The following HK2 variants were observed in gnomAD, a reference collection of about 807,000 sequenced individuals.
HK2 encodes the protein hexokinase 2, also known as hexokinase-2.
A neutral mutation model predicts 92.9 loss-of-function variants in HK2; 42 were observed. That is an observed-to-expected ratio of 0.45 (90% confidence interval 0.35 to 0.58). The LOEUF is 0.58. HK2 is among the 20% of genes least tolerant of loss of function. The pLI is 0.00. For synonymous variants in HK2, 422 were observed against 468.0 expected, an observed-to-expected ratio of 0.90 and a Z score of 1.27; for missense variants, 978 against 1,245.1, an observed-to-expected ratio of 0.79 and a Z score of 3.23.
Position 74,888,046 on chromosome 2 carries a change from C to T in HK2, c.2363C>T (p.Ser788Phe). Reference protein sequence around the residue: ...TRGIFETKFLSQIESDCLALL... With the variant: ...TRGIFETKFLFQIESDCLALL... The stretch of plus-strand genomic sequence containing the variant: ...GGCATCTTTGAAACCAAGTTCTTGT[C>T]TCAGATTGAGAGGTGAGAGCTTAGG... Residue 788 changes from serine to phenylalanine, a missense_variant, in exon 16 of 18, where the codon TCT becomes TTT. By Grantham distance (155) the Ser-to-Phe change is radical. This residue lies in a region of HK2 where 742 missense variants were observed against 922.5 expected (regional missense o/e 0.80). Transcript: ENST00000290573. 6.2e-7 allele frequency: 1 copy of T among 1,614,184 alleles called. No homozygotes were observed. The highest frequency in any genetic ancestry group is 1.3e-5 in the African/African-American group (1 of 75,050).
chr2:74,884,954 G>A (rs1689485936), intron 12 of HK2, among the ~76,000 whole-genome samples: 1 of 151,364 alleles, frequency 6.6e-6, no homozygotes, highest in African/African-American at 2.4e-5. Context: ...CCCAGCTGTG[G>A]GCAAAGCACT....
intron 2 of HK2, among the ~76,000 whole-genome samples, chr2:74,861,885 T>C (rs1164873390): frequency 6.6e-6 from 1 of 152,238 alleles, no homozygotes; most frequent in Non-Finnish European, 1.5e-5. Flanking sequence ...GTTATAACTA[T>C]GCCTTATGAG....
chr2:74,869,084 C>G (rs1689032072), intron 3 of HK2, among the ~76,000 whole-genome samples: 2 of 151,686 alleles, frequency 1.3e-5, no homozygotes, highest in South Asian at 4.2e-4. Context: ...AACCTACTCT[C>G]CATGCAATAT....
At chr2:74,858,212 T>C (rs1688737394) in intron 2 of HK2, among the ~76,000 whole-genome samples, 1 of 152,256 alleles carries the variant, frequency 6.6e-6, no homozygotes, top group African/African-American at 2.4e-5. Context: ...GTTTGTCTTC[T>C]ATTCTTTAAG....
intron 1 of HK2, among the ~76,000 whole-genome samples, chr2:74,844,785 T>A (rs924591657): frequency 2.0e-5 from 3 of 152,182 alleles, no homozygotes; most frequent in Admixed American, 2.0e-4. Context: ...GGGGATCCCA[T>A]GCAGTGTGGG....
intron 1 of HK2, among the ~76,000 whole-genome samples, chr2:74,843,986 G>A (rs1157779247): frequency 6.6e-6 from 1 of 152,184 alleles, no homozygotes; most frequent in African/African-American, 2.4e-5. Context: ...TTCAAATGAA[G>A]AGACCAGGCA....
At chr2:74,864,602 G>A (rs1688904869) in intron 2 of HK2, among the ~76,000 whole-genome samples, 1 of 152,160 alleles carries the variant, frequency 6.6e-6, no homozygotes. Flanking sequence ...CACTTCCTGG[G>A]TTCTAGTGAT....
In HK2 at chr2:74,877,963, T is replaced by A. The variant is rs548033144; in HGVS notation, c.1031+642T>A. 7.2e-5 allele frequency among the ~76,000 whole-genome samples: 11 copies of A among 152,210 alleles called. No individual in the cohort carries two copies. In the South Asian group the frequency reaches 2.1e-3, roughly 29 times the overall value. On this transcript the variant is annotated intron_variant, in intron 8 of 17. Coordinates refer to ENST00000290573, the MANE Select transcript of HK2 (RefSeq NM_000189.5). Reference sequence around the variant, plus strand: ...GGGACCAGATGGTGGAGAGGAGGTGTCTTTGGAGCCAAATGGAGCAGTGGA... The same window carrying A: ...GGGACCAGATGGTGGAGAGGAGGTGACTTTGGAGCCAAATGGAGCAGTGGA...
At chr2:74,846,284 G>A (rs1688433003) in intron 1 of HK2, among the ~76,000 whole-genome samples, 1 of 151,232 alleles carries the variant, frequency 6.6e-6, no homozygotes. Context: ...ACTGTGTATA[G>A]TGGGTAAACT....
At chr2:74,838,379 G>A (rs1325211061) in intron 1 of HK2, among the ~76,000 whole-genome samples, 2 of 151,278 alleles carry the variant, frequency 1.3e-5, no homozygotes, top group African/African-American at 4.9e-5. Context: ...CACTTGGAGG[G>A]GTAGTTCGCA....
intron 5 of HK2, 27 bp downstream of exon 5, chr2:74,873,398 T>C (rs370514288): frequency 2.0e-6 from 3 of 1,530,982 alleles, no homozygotes; most frequent in Non-Finnish European, 2.7e-6. Context: ...GAGCTTGGGG[T>C]CTGTGGGCTT....
chr2:74,878,889 G>A lies in HK2; in HGVS notation c.1233G>A (p.Gly411=). 1 of 1,551,590 alleles carries A rather than the reference G, an allele frequency of 6.4e-7. No individual in the cohort carries two copies. The highest frequency in any genetic ancestry group is 8.7e-7 in the Non-Finnish European group (1 of 1,147,092). Reference sequence around the variant, plus strand: ...AGGAGCGGCTGCGCTCTACTATTGGGGTCGACGGTTCCGTCTACAAGAAAC... The same window carrying A: ...AGGAGCGGCTGCGCTCTACTATTGGAGTCGACGGTTCCGTCTACAAGAAAC... ...KGEERLRSTI[G]VDGSVYKKHP... is the part of the protein sequence containing the mutation. Residue 411 remains glycine (G), a synonymous_variant, in exon 9 of 18, where the codon GGG becomes GGA. Coordinates refer to ENST00000290573, the MANE Select transcript of HK2 (RefSeq NM_000189.5).
At chr2:74,857,681 TAA>T (rs1688726224) in intron 2 of HK2, among the ~76,000 whole-genome samples, 1 of 151,936 alleles carries the variant, frequency 6.6e-6, no homozygotes, top group South Asian at 2.1e-4. Context: ...TTAAAAAAAA[TAA>T]AGTGGTCAGC....
Position 74,874,443 on chromosome 2 carries a change from A to G in HK2, c.869A>G (p.Lys290Arg), listed in dbSNP as rs575008816. Residue 290 changes from lysine to arginine, a missense_variant, in exon 7 of 18, where the codon AAG becomes AGG. Lys to Arg is a conservative substitution (Grantham distance 26). Transcript: ENST00000290573. Reference protein sequence around the residue: ...EIDMGSLNPGKQLFEKMISGM... With the variant: ...EIDMGSLNPGRQLFEKMISGM... ...GACATGGGCTCACTGAACCCGGGAA[A>G]GCAACTGTGAGTAGGCCCTTCCTGT... is the stretch of plus-strand genomic sequence containing the variant. 2 of 1,602,556 alleles carry G rather than the reference A, an allele frequency of 1.2e-6. No homozygotes were observed. The highest frequency in any genetic ancestry group is 2.3e-5 in the East Asian group (1 of 44,408).
intron 1 of HK2, among the ~76,000 whole-genome samples, chr2:74,842,733 A>G (rs1168398994): frequency 1.3e-5 from 2 of 152,242 alleles, no homozygotes; most frequent in Non-Finnish European, 2.9e-5. Flanking sequence ...TAGGAGATCC[A>G]TCCTTAAGCT....
chr2:74,834,512 G>T lies in HK2; in HGVS notation c.-69G>T, dbSNP rs953972399. On this transcript the variant is annotated 5_prime_UTR_variant, in exon 1 of 18. Transcript: ENST00000290573. This position sits in a 1 kb window ranked among gnomAD's most constrained non-coding sequence, Gnocchi z 4.2. ...AGCCCCAGCACAAAGCAGTCGGACC[G>T]CGCCGCCCGCCTCCCCTCTCGCGTC... 3 of 1,518,426 alleles carry T rather than the reference G, an allele frequency of 2.0e-6. No individual in the cohort carries two copies. The highest frequency in any genetic ancestry group is 2.7e-6 in the Non-Finnish European group (3 of 1,095,070). 94.1% of individuals were successfully genotyped at this position (1,518,426 alleles called of 1,614,324 possible). A position where few individuals can be genotyped will look rare whatever the true frequency, so the allele number is the denominator to read the frequency against.
chr2:74,860,006 A>G (rs972862165), intron 2 of HK2, among the ~76,000 whole-genome samples: 2 of 152,240 alleles, frequency 1.3e-5, no homozygotes, highest in Non-Finnish European at 2.9e-5. Context: ...GAATGAAATA[A>G]TGTATTTTGC....
chr2:74,882,071 C>T (rs758938645), intron 11 of HK2, 49 bp from the exon 12 acceptor site: 6 of 1,573,416 alleles, frequency 3.8e-6, no homozygotes, highest in Non-Finnish European at 5.2e-6. Flanking sequence ...CTGGGGGCAG[C>T]CTGCCCTGCC....
chr2:74,872,754 G>A (rs1274730124), intron 4 of HK2, among the ~76,000 whole-genome samples: 2 of 152,130 alleles, frequency 1.3e-5, no homozygotes, highest in East Asian at 1.9e-4. Flanking sequence ...ATGATGTAAG[G>A]ACACAAGTAC....
Sources: gnomAD v4.1 joint callset for allele counts (sites outside exome capture counted in the v4.1 genomes callset) on GRCh38, gnomAD v4.1.1 for gene constraint, gnomAD v4.1.1 regional missense constraint, Gnocchi (gnomAD v3.1) non-coding constraint, MANE v1.5 for transcripts, NCBI Gene and HGNC (gene_info 2026-07-23, HGNC 2026-07-21) for gene names.